KDM8: variants seen among roughly 807,000 people sequenced by gnomAD.
KDM8 encodes bifunctional peptidase and arginyl-hydroxylase JMJD5.
In KDM8, 35 loss-of-function variants were observed where a neutral mutation model predicts 46.9. That is an observed-to-expected ratio of 0.75 (90% CI 0.57 to 0.99). The LOEUF (loss-of-function observed/expected upper bound fraction) is 0.99. Among genes scored for constraint, KDM8 ranks in the 50% least tolerant of loss-of-function variants. The pLI is 0.00. For synonymous variants in KDM8, 232 were observed against 227.7 expected, an observed-to-expected ratio of 1.02 and a Z score of -0.17; for missense variants, 475 against 537.0, an observed-to-expected ratio of 0.88 and a Z score of 1.14.
At chr16:27,212,436 A>G (rs2083495383) in intron 2 of KDM8, among the ~76,000 whole-genome samples, 1 of 152,182 alleles carries the variant, frequency 6.6e-6, no homozygotes, top group South Asian at 2.1e-4. Context: ...CAGTGGCACA[A>G]TCATAGCTCT....
At position 27,220,752 on chromosome 16, in the gene KDM8, C is replaced by T; in HGVS notation, c.*22C>T. The T allele has an allele frequency of 6.2e-7, 1 of 1,613,424 alleles. No homozygotes were observed. On this transcript the variant is annotated 3_prime_UTR_variant, in exon 8 of 8. Transcript: ENST00000286096. ...GTAGCCAGGATAGGAGCTGAAAGGG[C>T]CTGACATGCAGACAGCATTCATCTG...
chr16:27,204,037 C>G (rs1484545677), intron 1 of KDM8: 1 of 1,467,236 alleles, frequency 6.8e-7, no homozygotes. Context: ...GGCAACCAGC[C>G]GCTGCCCCTG....
chr16:27,212,471 C>T (rs375939542), intron 2 of KDM8, among the ~76,000 whole-genome samples: 5 of 152,316 alleles, frequency 3.3e-5, no homozygotes, highest in East Asian at 1.9e-4. Context: ...TGGTGGCTCA[C>T]GCCTATAATC....
chr16:27,215,834 G>C, intron 4 of KDM8, 111 bp from the exon 5 acceptor site: 5 of 1,116,912 alleles, frequency 4.5e-6, no homozygotes, highest in Non-Finnish European at 5.5e-6. Context: ...GGATGGAGTG[G>C]AAGGGTGACG....
At chr16:27,209,472 T>C (rs1183815174) in intron 1 of KDM8, among the ~76,000 whole-genome samples, 1 of 152,194 alleles carries the variant, frequency 6.6e-6, no homozygotes, top group Non-Finnish European at 1.5e-5. Context: ...AGTGATCCAA[T>C]TGCCTCGGCC....
chr16:27,204,046 T>G, intron 1 of KDM8: 1 of 1,517,528 alleles, frequency 6.6e-7, no homozygotes, highest in East Asian at 2.5e-5. Flanking sequence ...CCGCTGCCCC[T>G]GGGCCGCAAG....
chr16:27,210,710 G>A, intron 2 of KDM8, 89 bp downstream of exon 2: 1 of 1,286,562 alleles, frequency 7.8e-7, no homozygotes, highest in Non-Finnish European at 1.0e-6. Context: ...CCTGGGGTGA[G>A]GCCTCGTGGC....
intron 1 of KDM8, among the ~76,000 whole-genome samples, chr16:27,206,764 A>G (rs1282874792): frequency 6.6e-6 from 1 of 152,210 alleles, no homozygotes; most frequent in Non-Finnish European, 1.5e-5. Context: ...CCATTCAGAA[A>G]GGCAGTGACC....
Position 27,221,165 on chromosome 16 carries a change from A to G in KDM8, c.*435A>G. On this transcript the variant is annotated 3_prime_UTR_variant, in exon 8 of 8. Coordinates refer to ENST00000286096, the MANE Select transcript of KDM8 (RefSeq NM_024773.3). ...CCCCCACTTCGCTGTGCCCATATGG[A>G]AAAGAGGGCAAGGCCAGTCCTCACT... The G allele has an allele frequency of 3.0e-6, 1 of 328,310 alleles. No individual in the cohort carries two copies. The highest frequency in any genetic ancestry group is 6.0e-6 in the Non-Finnish European group (1 of 165,694). 20.3% of individuals were successfully genotyped at this position (328,310 alleles called of 1,614,324 possible). A position where few individuals can be genotyped will look rare whatever the true frequency, so the allele number is the denominator to read the frequency against.
rs201781237 is a variant in KDM8, at chr16:27,214,898, G to A, written c.688G>A (p.Ala230Thr). The A allele has an allele frequency of 9.9e-6, 16 of 1,614,134 alleles. No homozygotes were observed. In the East Asian group the frequency reaches 1.6e-4, roughly 16 times the overall value. The stretch of plus-strand genomic sequence containing the variant: ...TAGTTTGGAGTATATCCAGGAGATC[G>A]CTGGCTGCCGAACTGTCCCAGTGGA... The part of the protein sequence containing the change: ...KWSLEYIQEI[A>T]GCRTVPVEVG... The change falls in exon 4 of 8, where the codon GCT becomes ACT. Residue 230 changes from alanine to threonine, a missense_variant. Transcript: ENST00000286096.
At chr16:27,208,560 G>A (rs1372560316) in intron 1 of KDM8, among the ~76,000 whole-genome samples, 1 of 152,162 alleles carries the variant, frequency 6.6e-6, no homozygotes, top group Non-Finnish European at 1.5e-5. Flanking sequence ...GCAATAAATG[G>A]TCTCCTGGGA....
intron 2 of KDM8, chr16:27,211,038 C>T (rs1017062835): frequency 7.2e-6 from 3 of 414,548 alleles, no homozygotes; most frequent in African/African-American, 2.1e-5. Flanking sequence ...CGTGGCCTCC[C>T]GAAGCACTGA....
intron 3 of KDM8, chr16:27,214,237 G>A (rs1245029921): frequency 1.3e-5 from 2 of 156,104 alleles, no homozygotes; most frequent in African/African-American, 4.8e-5. Context: ...GAAATAAGGA[G>A]GCATCTCTCC....
At position 27,211,248 on chromosome 16, in the gene KDM8, G is replaced by A. The variant is rs1179219593; in HGVS notation, c.498+627G>A. 2.3e-5 allele frequency: 10 copies of A among 443,680 alleles called. No individual in the cohort carries two copies. In the East Asian group the frequency reaches 3.5e-4, roughly 16 times the overall value. The allele number at this position is 443,680 out of a possible 1,614,324, so 27.5% of individuals were successfully genotyped here. A position where few individuals can be genotyped will look rare whatever the true frequency, so the allele number is the denominator to read the frequency against. On this transcript the variant is annotated intron_variant, in intron 2 of 7. Transcript: ENST00000286096. ...TGAGAGCTGCAGCCAGCGGCAGCCC[G>A]TTTCTTTCAGCTTCTTGGTGGGCTT...
At chr16:27,211,380 C>T (rs2083483703) in intron 2 of KDM8, 1 of 356,550 alleles carries the variant, frequency 2.8e-6, no homozygotes, top group Non-Finnish European at 5.5e-6. Flanking sequence ...TGGGGTCAAT[C>T]TCTCCCACCC....
rs9936149 is a variant in KDM8 at position 27,209,419 on chromosome 16, G to T, written c.-31-674G>T. Among the ~76,000 whole-genome samples the T allele has an allele frequency of 6.7e-3, 1,023 of 152,310 alleles. 6 individuals are homozygous for T. Among genetic ancestry groups the T allele is most frequent in the Middle Eastern group, 0.017 (5 of 294 alleles). ...TTTTTGTATTTTTTGTAGAGACGGC[G>T]TCTTGCCATGTTGGCCAGGCTGGTC... On this transcript the variant is annotated intron_variant, in intron 1 of 7. Coordinates refer to ENST00000286096, the MANE Select transcript of KDM8 (RefSeq NM_024773.3).
chr16:27,220,817 C>G lies in KDM8; in HGVS notation c.*87C>G. ...GGGTCCTGGAATCTATAGAGACAAG[C>G]AGGACTGAACCTGTGTCCTGAAGAG... On this transcript the variant is annotated 3_prime_UTR_variant, in exon 8 of 8. Transcript: ENST00000286096. 1 of 1,488,174 alleles carries G rather than the reference C, an allele frequency of 6.7e-7. No individual in the cohort carries two copies. Among genetic ancestry groups the G allele is most frequent in the Non-Finnish European group, 9.4e-7 (1 of 1,067,482 alleles). The allele number at this position is 1,488,174 out of a possible 1,614,324, so 92.2% of individuals were successfully genotyped here. A position where few individuals can be genotyped will look rare whatever the true frequency, so the allele number is the denominator to read the frequency against.
intron 1 of KDM8, 62 bp from the exon 2 acceptor site, chr16:27,210,031 G>A (rs1241261276): frequency 2.0e-6 from 3 of 1,473,238 alleles, no homozygotes; most frequent in Non-Finnish European, 1.8e-6. Context: ...GGAAGCTGCG[G>A]GAATGCACAG....
At chr16:27,211,257 A>T in intron 2 of KDM8, 1 of 434,476 alleles carries the variant, frequency 2.3e-6, no homozygotes, top group Non-Finnish European at 4.6e-6. Flanking sequence ...CGTTTCTTTC[A>T]GCTTCTTGGT....
Sources: allele counts gnomAD v4.1 joint callset (sites outside exome capture counted in the v4.1 genomes callset), GRCh38; gene constraint gnomAD v4.1.1; transcripts MANE v1.5; gene names NCBI Gene and HGNC (gene_info 2026-07-23, HGNC 2026-07-21).